Variants in ARB2A observed in about 807,000 individuals in gnomAD.
ARB2A encodes the protein cotranscriptional regulator ARB2A.
chr5:93,676,230 GA>G, the ARB2A span, among the ~76,000 whole-genome samples: 28 of 148,610 alleles, frequency 1.9e-4, no homozygotes, highest in African/African-American at 5.7e-4. Context: ...CAAGTATCAA[GA>G]AAAAAAAAAT....
chr5:93,847,132 T>G, the ARB2A span, among the ~76,000 whole-genome samples: 1 of 152,198 alleles, frequency 6.6e-6, no homozygotes, highest in African/African-American at 2.4e-5. Context: ...TCTGCTCATC[T>G]GTAAGAGGCA....
chr5:93,965,134 G>A, the ARB2A span, among the ~76,000 whole-genome samples: 1 of 152,068 alleles, frequency 6.6e-6, no homozygotes, highest in South Asian at 2.1e-4. Flanking sequence ...TTGAAATGGC[G>A]AGATTTTCTA....
the ARB2A span, among the ~76,000 whole-genome samples, chr5:93,617,888 G>A: frequency 2.8e-4 from 43 of 152,222 alleles, no homozygotes; most frequent in African/African-American, 1.0e-3. Context: ...GCCAAATAGT[G>A]ACTCAACTAA....
the ARB2A span, among the ~76,000 whole-genome samples, chr5:94,084,051 T>G: frequency 1.3e-5 from 2 of 151,798 alleles, no homozygotes; most frequent in African/African-American, 4.8e-5. Flanking sequence ...GGCAGGTGGA[T>G]CCACCTGAGG....
chr5:93,968,653 A>C, the ARB2A span, among the ~76,000 whole-genome samples: 2 of 152,160 alleles, frequency 1.3e-5, no homozygotes, highest in Non-Finnish European at 2.9e-5. Flanking sequence ...TATTTGAAGC[A>C]ATGATGGTTG....
chr5:94,045,613 T>TA, the ARB2A span, among the ~76,000 whole-genome samples: 2 of 152,132 alleles, frequency 1.3e-5, no homozygotes, highest in African/African-American at 4.8e-5. Flanking sequence ...TTAGGAACAT[T>TA]AAAAAATCTC....
At chr5:93,834,750 ATT>A in the ARB2A span, among the ~76,000 whole-genome samples, 5 of 152,278 alleles carry the variant, frequency 3.3e-5, no homozygotes, top group South Asian at 2.1e-4. Context: ...TCCAACGCAA[ATT>A]TGTGTCATTC....
chr5:94,086,913 TAA>T, the ARB2A span, among the ~76,000 whole-genome samples: 145 of 152,204 alleles, frequency 9.5e-4, no homozygotes, highest in African/African-American at 3.4e-3. Context: ...ATTTAAAAAA[TAA>T]AAAAGTTAAC....
the ARB2A span, among the ~76,000 whole-genome samples, chr5:93,628,787 TG>T: frequency 6.6e-6 from 1 of 152,236 alleles, no homozygotes; most frequent in Non-Finnish European, 1.5e-5. Flanking sequence ...GTTAGGGTCT[TG>T]GTCTGGATTA....
the ARB2A span, among the ~76,000 whole-genome samples, chr5:93,901,889 T>C: frequency 4.6e-5 from 7 of 152,072 alleles, no homozygotes. Flanking sequence ...ATATGAAAGA[T>C]GACAGTTCCT....
At chr5:93,642,021 C>G in the ARB2A span, among the ~76,000 whole-genome samples, 2 of 152,252 alleles carry the variant, frequency 1.3e-5, no homozygotes, top group East Asian at 3.9e-4. Context: ...CTTGCTCTGT[C>G]ACTTGGGCTG....
chr5:93,950,254 C>A, the ARB2A span, among the ~76,000 whole-genome samples: 1 of 152,144 alleles, frequency 6.6e-6, no homozygotes, highest in Non-Finnish European at 1.5e-5. Flanking sequence ...AGATATCATA[C>A]ACAAATCTAT....
chr5:93,862,400 G>C, the ARB2A span: 1 of 152,170 alleles, frequency 6.6e-6, no homozygotes, highest in Non-Finnish European at 1.5e-5. Flanking sequence ...AGAGATTCCA[G>C]TATGAATCAA....
At chr5:94,101,928 T>A in the ARB2A span, among the ~76,000 whole-genome samples, 2 of 149,048 alleles carry the variant, frequency 1.3e-5, no homozygotes, top group African/African-American at 5.0e-5. Context: ...TACACACGTA[T>A]CCCCAAACCT....
At chr5:94,087,840 T>A in the ARB2A span, among the ~76,000 whole-genome samples, 17 of 152,212 alleles carry the variant, frequency 1.1e-4, no homozygotes, top group Non-Finnish European at 1.5e-4. Context: ...ACATGTCATA[T>A]AGGTTTGGAG....
At chr5:93,933,708 A>T in the ARB2A span, among the ~76,000 whole-genome samples, 1 of 152,092 alleles carries the variant, frequency 6.6e-6, no homozygotes, top group South Asian at 2.1e-4. Flanking sequence ...TGCAGATGAC[A>T]GGTTGATGGG....
the ARB2A span, among the ~76,000 whole-genome samples, chr5:93,772,620 T>C: frequency 7.9e-5 from 12 of 152,188 alleles, no homozygotes; most frequent in Admixed American, 6.5e-4. Context: ...CTGAGTGATA[T>C]TAGCTCAGGG....
the ARB2A span, among the ~76,000 whole-genome samples, chr5:93,824,953 C>T: frequency 1.3e-5 from 2 of 152,206 alleles, no homozygotes; most frequent in Admixed American, 6.5e-5. Flanking sequence ...TTGCCAGAAC[C>T]TTTGATCTTG....
chr5:93,769,552 G>C, the ARB2A span, among the ~76,000 whole-genome samples: 132 of 152,278 alleles, frequency 8.7e-4, 3 homozygotes, highest in East Asian at 0.024. Context: ...GGCTGAAGAA[G>C]TGGTAAGTTT....
Sources: allele counts gnomAD v4.1 joint callset (sites outside exome capture counted in the v4.1 genomes callset), GRCh38; gene constraint gnomAD v4.1.1; transcripts MANE v1.5; gene names NCBI Gene and HGNC (gene_info 2026-07-23, HGNC 2026-07-21).